UNC13A: variants seen among roughly 807,000 people sequenced by gnomAD.
The protein encoded by UNC13A is unc-13 homolog A.
A neutral mutation model predicts 219.7 loss-of-function variants in UNC13A; 61 were observed. That is an observed-to-expected ratio of 0.28 (90% CI 0.23 to 0.34). UNC13A has a LOEUF of 0.34. UNC13A is among the 10% of genes least tolerant of loss of function. The pLI is 1.00. For synonymous variants in UNC13A, 920 were observed against 884.6 expected (o/e 1.04, Z -0.71); for missense variants, 1,476 against 2,270.3 (o/e 0.65, Z 7.11).
intron 43 of UNC13A, among the ~76,000 whole-genome samples, chr19:17,608,306 T>C (rs988783274): frequency 1.4e-5 from 2 of 139,258 alleles, no homozygotes; most frequent in Non-Finnish European, 1.5e-5. Flanking sequence ...ATACTATATA[T>C]AATTTTATTT....
At chr19:17,682,843 A>G (rs2080043740) in intron 1 of UNC13A, among the ~76,000 whole-genome samples, 1 of 152,100 alleles carries the variant, frequency 6.6e-6, no homozygotes, top group Non-Finnish European at 1.5e-5. Flanking sequence ...CAGGTAGATC[A>G]CTTGGTGGTC....
chr19:17,606,616 A>G (rs966218137), intron 43 of UNC13A, among the ~76,000 whole-genome samples: 5 of 151,880 alleles, frequency 3.3e-5, no homozygotes, highest in African/African-American at 1.2e-4. Flanking sequence ...ATGACCGCAT[A>G]GTTTTACATC....
Position 17,606,125 on chromosome 19 carries a change from C to A in UNC13A, c.5041G>T (p.Ala1681Ser), listed in dbSNP as rs771909449. 4 of 1,595,492 alleles carry A rather than the reference C, an allele frequency of 2.5e-6. No homozygotes were observed. Among genetic ancestry groups the A allele is most frequent in the Non-Finnish European group, 2.6e-6 (3 of 1,172,818 alleles). Reference sequence around the variant, plus strand: ...GACTTGAGCTTCACGAACTCCTTGGCCACCTCGTCGTTGCTGCGCTGCGAG... The same window carrying A: ...GACTTGAGCTTCACGAACTCCTTGGACACCTCGTCGTTGCTGCGCTGCGAG... ...ILSQRSNDEV[A>S]KEFVKLKSDT... Residue 1681 changes from alanine (A) to serine (S), a missense_variant, in exon 44 of 44, where the codon GCC (alanine) becomes TCC (serine). Around this residue, in one of 14 missense-constraint regions of UNC13A, gnomAD observed 187 missense variants for 172.3 expected, o/e 1.09. Transcript: ENST00000519716.
intron 41 of UNC13A, chr19:17,612,105 T>C: frequency 2.7e-6 from 1 of 375,230 alleles, no homozygotes; most frequent in East Asian, 3.9e-5. Flanking sequence ...TGCAATTCTT[T>C]TCTTTTTTCT....
chr19:17,659,215 G>A (rs1017057761), intron 8 of UNC13A, among the ~76,000 whole-genome samples: 5 of 152,074 alleles, frequency 3.3e-5, no homozygotes, highest in Non-Finnish European at 7.3e-5. Flanking sequence ...GGCGGAGGCG[G>A]GCAGATTACT....
At position 17,636,462 on chromosome 19, in the gene UNC13A, A is replaced by G. The variant is rs146336952; in HGVS notation, c.3082-305T>C. Among the ~76,000 whole-genome samples the G allele has an allele frequency of 2.2e-3, 332 of 152,322 alleles. 3 individuals carry two copies. Among genetic ancestry groups the G allele is most frequent in the Non-Finnish European group, 2.5e-3 (173 of 68,022 alleles). On this transcript the variant is annotated intron_variant, in intron 25 of 43. Coordinates refer to ENST00000519716, the MANE Select transcript of UNC13A (RefSeq NM_001080421.3). ...ACCAAATGGAAATGAAATGAATGCA[A>G]ATTAAGCCCACTTAGCTTAACGGAA...
chr19:17,687,464 C>T (rs557187776), intron 1 of UNC13A, among the ~76,000 whole-genome samples: 1 of 152,062 alleles, frequency 6.6e-6, no homozygotes, highest in African/African-American at 2.4e-5. Context: ...GGGCAGGGAG[C>T]GGGAAGACCT....
chr19:17,622,838 G>A (rs749001355), intron 36 of UNC13A: 1 of 152,378 alleles, frequency 6.6e-6, no homozygotes, highest in Non-Finnish European at 1.5e-5. Context: ...GTGATGCAAT[G>A]AGCCCCATTT....
intron 1 of UNC13A, among the ~76,000 whole-genome samples, chr19:17,686,453 C>T (rs779306160): frequency 2.2e-4 from 33 of 151,760 alleles, no homozygotes; most frequent in Non-Finnish European, 4.4e-4. Flanking sequence ...TCCAGTGCCA[C>T]CTTTAAGAGC....
chr19:17,650,914 A>G (rs1334708273), intron 12 of UNC13A, among the ~76,000 whole-genome samples: 1 of 147,080 alleles, frequency 6.8e-6, no homozygotes, highest in Non-Finnish European at 1.5e-5. Context: ...CCATAGGTGT[A>G]CACCGCCACA....
chr19:17,613,278 A>C (rs1348695080), intron 41 of UNC13A, among the ~76,000 whole-genome samples: 1 of 151,676 alleles, frequency 6.6e-6, no homozygotes, highest in Non-Finnish European at 1.5e-5. Flanking sequence ...GTGGTGATGC[A>C]TGCACCTGTA....
chr19:17,623,393 G>C, intron 36 of UNC13A, 149 bp downstream of exon 36: 6 of 577,494 alleles, frequency 1.0e-5, no homozygotes, highest in Non-Finnish European at 1.8e-5. Flanking sequence ...CCCCGCCCCA[G>C]ACAGACACAG....
rs1354258955 is a variant in UNC13A, at chr19:17,603,099, AAAAGAGGGTGG to A, written c.*2944_*2954del. On this transcript the variant is annotated 3_prime_UTR_variant, in exon 44 of 44. Coordinates refer to ENST00000519716, the MANE Select transcript of UNC13A (RefSeq NM_001080421.3). ...CGAATAGGAGTTCTCTGGGGGAAAGAAAAGAGGGTGGAAATTGCAAAAACAGTTCTAGCCTG... is the reference window on the plus strand; with the variant it reads ...CGAATAGGAGTTCTCTGGGGGAAAGAAAATTGCAAAAACAGTTCTAGCCTG... 1 of 152,232 alleles carries A rather than the reference AAAAGAGGGTGG, an allele frequency of 6.6e-6. No homozygotes were observed. The highest frequency in any genetic ancestry group is 1.5e-5 in the Non-Finnish European group (1 of 68,062). 9.4% of individuals were successfully genotyped at this position (152,232 alleles called of 1,614,324 possible).
chr19:17,611,210 G>T (rs534462029), intron 42 of UNC13A, among the ~76,000 whole-genome samples: 3 of 152,256 alleles, frequency 2.0e-5, no homozygotes, highest in Non-Finnish European at 4.4e-5. Flanking sequence ...TTTACATGGA[G>T]TCTCACTCTG....
intron 1 of UNC13A, among the ~76,000 whole-genome samples, chr19:17,686,981 A>G (rs1292632314): frequency 6.6e-6 from 1 of 151,610 alleles, no homozygotes; most frequent in African/African-American, 2.4e-5. Flanking sequence ...CCCTTCCCCC[A>G]CCCCAGCCTT....
chr19:17,668,771 G>C (rs991329028), intron 5 of UNC13A, among the ~76,000 whole-genome samples: 5 of 152,030 alleles, frequency 3.3e-5, no homozygotes, highest in African/African-American at 7.3e-5. Flanking sequence ...TTATAGGCAT[G>C]AGCCACCACG....
chr19:17,621,028 G>T (rs1461932454), intron 37 of UNC13A, among the ~76,000 whole-genome samples: 1 of 152,092 alleles, frequency 6.6e-6, no homozygotes, highest in East Asian at 1.9e-4. Context: ...ATGAGACAGG[G>T]CTAGGAATCT....
rs2076799347 is a variant in UNC13A at position 17,627,801 on chromosome 19, G to A, written c.3831+62C>T. 6.6e-7 allele frequency: 1 copy of A among 1,526,656 alleles called. No homozygotes were observed. The allele number at this position is 1,526,656 out of a possible 1,614,324, so 94.6% of individuals were successfully genotyped here. On this transcript the variant is annotated intron_variant, in intron 32 of 43. Coordinates refer to ENST00000519716, the MANE Select transcript of UNC13A (RefSeq NM_001080421.3). The surrounding 1 kb of genome is among the most constrained non-coding windows in gnomAD (Gnocchi z 4.7). Reference sequence around the variant, plus strand: ...TGGTGGCATATGAGCTCAGGGGCCTGCAGGGACACAGTGGTGGGGGTGCCC... The same window carrying A: ...TGGTGGCATATGAGCTCAGGGGCCTACAGGGACACAGTGGTGGGGGTGCCC...
At chr19:17,665,202 A>AT (rs2079618661) in intron 7 of UNC13A, among the ~76,000 whole-genome samples, 2 of 49,498 alleles carry the variant, frequency 4.0e-5, no homozygotes, top group Admixed American at 1.3e-4. Flanking sequence ...TCTATCTCCA[A>AT]GAAAAAAAAA....
Sources: gnomAD v4.1 joint callset for allele counts (sites outside exome capture counted in the v4.1 genomes callset) on GRCh38, gnomAD v4.1.1 for gene constraint, gnomAD v4.1.1 regional missense constraint, Gnocchi (gnomAD v3.1) non-coding constraint, MANE v1.5 for transcripts, NCBI Gene and HGNC (gene_info 2026-07-23, HGNC 2026-07-21) for gene names.